Variants in PIEZO2 observed in about 807,000 individuals in gnomAD.
PIEZO2 encodes piezo type mechanosensitive ion channel component 2.
PIEZO2 carries 172 observed loss-of-function variants against 337.3 expected under a neutral mutation model. The ratio of observed to expected loss-of-function variants is 0.51; its 90% CI spans 0.45 to 0.58. The LOEUF is 0.58. Among genes scored for constraint, PIEZO2 ranks in the 20% least tolerant of loss-of-function variants. The pLI is 0.00. For synonymous variants in PIEZO2, 1,251 were observed against 1,228.5 expected, an observed-to-expected ratio of 1.02 and a Z score of -0.38; for missense variants, 3,028 against 3,391.3, an observed-to-expected ratio of 0.89 and a Z score of 2.66.
chr18:10,991,915 A>C (rs891149197), intron 2 of PIEZO2, among the ~76,000 whole-genome samples: 6 of 152,090 alleles, frequency 3.9e-5, no homozygotes, highest in Non-Finnish European at 5.9e-5. Context: ...TTTTAATGAT[A>C]GCCATTCTAA....
At chr18:11,006,388 CAT>C (rs1487341901) in intron 2 of PIEZO2, among the ~76,000 whole-genome samples, 1 of 152,112 alleles carries the variant, frequency 6.6e-6, no homozygotes, top group Non-Finnish European at 1.5e-5. Flanking sequence ...GCTCATAAGT[CAT>C]ATGTTAATCA....
At position 10,724,792 on chromosome 18, in the gene PIEZO2, C is replaced by T. The variant is rs1318612552; in HGVS notation, c.5030-6533G>A. 4 of 1,585,112 alleles carry T rather than the reference C, an allele frequency of 2.5e-6. No homozygotes were observed. The highest frequency in any genetic ancestry group is 2.7e-5 in the African/African-American group (2 of 74,780). On this transcript the variant is annotated intron_variant, in intron 36 of 55. Transcript: ENST00000674853. This position sits in a 1 kb window ranked among gnomAD's most constrained non-coding sequence, Gnocchi z 5.8. The stretch of plus-strand genomic sequence containing the variant: ...TCTGGCAGTCCCCCCAGCACTGCAG[C>T]CCCAGCCTGAGCAGCAGTCGTTCTC...
chr18:10,698,541 C>T lies in PIEZO2; in HGVS notation c.6694+384G>A, dbSNP rs541543502. 4.6e-5 allele frequency among the ~76,000 whole-genome samples: 7 copies of T among 152,332 alleles called. No individual in the cohort carries two copies. The South Asian group carries it at 1.5e-3, about 32-fold the overall frequency. On this transcript the variant is annotated intron_variant, in intron 44 of 55. Coordinates refer to ENST00000674853, the MANE Select transcript of PIEZO2 (RefSeq NM_001378183.1). ...TAACCATAGTTTGGCTAAAAGTTCT[C>T]ATCAATTACATCTAAATATGTTTAA...
chr18:10,674,452 G>A (rs774797961), intron 54 of PIEZO2, among the ~76,000 whole-genome samples: 2 of 152,220 alleles, frequency 1.3e-5, no homozygotes, highest in Non-Finnish European at 2.9e-5. Context: ...TGTGGAGCCC[G>A]GCCTTTTGCC....
chr18:11,123,575 G>A (rs1275405344), intron 1 of PIEZO2, among the ~76,000 whole-genome samples: 1 of 152,146 alleles, frequency 6.6e-6, no homozygotes, highest in Non-Finnish European at 1.5e-5. Context: ...TTGGGAGGCC[G>A]AGGCGGGCGG....
In PIEZO2 at chr18:10,670,963, A is replaced by G. The variant is rs890295736; in HGVS notation, c.*564T>C. Reference sequence around the variant, plus strand: ...TCACTAATACTATGTTTTTGCTTAGAATGAGGCTGATCCTTCCACTGGCGT... The same window carrying G: ...TCACTAATACTATGTTTTTGCTTAGGATGAGGCTGATCCTTCCACTGGCGT... On this transcript the variant is annotated 3_prime_UTR_variant, in exon 56 of 56. Transcript: ENST00000674853. The G allele has an allele frequency of 6.6e-6, 1 of 152,484 alleles. No homozygotes were observed. The highest frequency in any genetic ancestry group is 1.5e-5 in the Non-Finnish European group (1 of 68,090). 9.4% of individuals were successfully genotyped at this position (152,484 alleles called of 1,614,324 possible).
intron 4 of PIEZO2, among the ~76,000 whole-genome samples, chr18:10,885,093 T>C (rs1285759142): frequency 6.6e-6 from 1 of 151,936 alleles, no homozygotes; most frequent in African/African-American, 2.4e-5. Flanking sequence ...GAAAAACAGA[T>C]GAATGCAACA....
chr18:10,903,813 G>T lies in PIEZO2; in HGVS notation c.329+7373C>A, dbSNP rs184427433. Among the ~76,000 whole-genome samples, 455 of 152,252 alleles carry T rather than the reference G, an allele frequency of 3.0e-3. 2 individuals carry two copies. Among genetic ancestry groups the T allele is most frequent in the South Asian group, 0.017 (82 of 4,824 alleles). ...ACAGTTCAGATGGATGAATGCCAAT[G>T]AAGCCATTCTTCAAAACTCTGCCCA... On this transcript the variant is annotated intron_variant, in intron 4 of 55. Coordinates refer to ENST00000674853, the MANE Select transcript of PIEZO2 (RefSeq NM_001378183.1). The surrounding 1 kb of genome is among the most constrained non-coding windows in gnomAD (Gnocchi z 4.1).
At position 10,872,444 on chromosome 18, in the gene PIEZO2, C is replaced by G. The variant is rs1362835436; in HGVS notation, c.330-1029G>C. The stretch of plus-strand genomic sequence containing the variant: ...TGGTAATGAATATGGGAATGAGAGG[C>G]AGTATACTGAGTTGCCAGCATAGTT... On this transcript the variant is annotated intron_variant, in intron 4 of 55. Coordinates refer to ENST00000674853, the MANE Select transcript of PIEZO2 (RefSeq NM_001378183.1). The surrounding 1 kb of genome is among the most constrained non-coding windows in gnomAD (Gnocchi z 4.3). Among the ~76,000 whole-genome samples the G allele has an allele frequency of 6.6e-6, 1 of 152,154 alleles. No individual in the cohort carries two copies. The highest frequency in any genetic ancestry group is 1.5e-5 in the Non-Finnish European group (1 of 68,034).
chr18:11,108,549 G>C (rs565440702), intron 1 of PIEZO2, among the ~76,000 whole-genome samples: 2 of 132,778 alleles, frequency 1.5e-5, no homozygotes, highest in Non-Finnish European at 3.1e-5. Context: ...GGGAGGCGGA[G>C]TTTGCAGTGA....
chr18:10,979,738 G>A lies in PIEZO2; in HGVS notation c.161-78C>T. On this transcript the variant is annotated intron_variant, in intron 2 of 55. Transcript: ENST00000674853. The surrounding 1 kb of genome is among the most constrained non-coding windows in gnomAD (Gnocchi z 4.0). ...GGTGCTGTCTCTTGTACATATTTCT[G>A]TATAACCTATTAGATAGACCGACTC... The A allele has an allele frequency of 7.5e-7, 1 of 1,332,624 alleles. No homozygotes were observed. The highest frequency in any genetic ancestry group is 9.9e-7 in the Non-Finnish European group (1 of 1,013,580). 82.5% of individuals were successfully genotyped at this position (1,332,624 alleles called of 1,614,324 possible). A position where few individuals can be genotyped will look rare whatever the true frequency, so the allele number is the denominator to read the frequency against.
chr18:11,005,618 A>G (rs867213025), intron 2 of PIEZO2, among the ~76,000 whole-genome samples: 5 of 152,272 alleles, frequency 3.3e-5, no homozygotes, highest in Middle Eastern at 6.8e-3. Context: ...ATCTTCCTCA[A>G]GCTCCTTCAC....
At chr18:11,107,859 T>C (rs1447767774) in intron 1 of PIEZO2, among the ~76,000 whole-genome samples, 4 of 152,222 alleles carry the variant, frequency 2.6e-5, no homozygotes, top group Non-Finnish European at 5.9e-5. Flanking sequence ...TGCAAAATGA[T>C]GGAAATCCAG....
chr18:10,915,851 A>C (rs1217101506), intron 3 of PIEZO2, among the ~76,000 whole-genome samples: 1 of 152,142 alleles, frequency 6.6e-6, no homozygotes, highest in Non-Finnish European at 1.5e-5. Context: ...AGTGACTATT[A>C]CAGTTCTTAA....
chr18:10,842,946 T>A (rs974861128), intron 7 of PIEZO2, among the ~76,000 whole-genome samples: 2 of 152,166 alleles, frequency 1.3e-5, no homozygotes, highest in African/African-American at 4.8e-5. Flanking sequence ...GTATCTTGCT[T>A]CTCATTTTAA....
At position 10,746,510 on chromosome 18, in the gene PIEZO2, A is replaced by G. The variant is rs1425343541; in HGVS notation, c.4424+1961T>C. 6.6e-6 allele frequency among the ~76,000 whole-genome samples: 1 copy of G among 152,148 alleles called. No homozygotes were observed. Among genetic ancestry groups the G allele is most frequent in the African/African-American group, 2.4e-5 (1 of 41,434 alleles). Reference sequence around the variant, plus strand: ...GGTTCACGCCCCTGCAGCTGGTTATATTCCCTTGATGTGACCTCATGGCTC... The same window carrying G: ...GGTTCACGCCCCTGCAGCTGGTTATGTTCCCTTGATGTGACCTCATGGCTC... On this transcript the variant is annotated intron_variant, in intron 30 of 55. Transcript: ENST00000674853. The surrounding 1 kb of genome is among the most constrained non-coding windows in gnomAD (Gnocchi z 4.2).
In PIEZO2 at chr18:11,143,671, TCA is replaced by T. The variant is rs1457859834; in HGVS notation, c.64+4852_64+4853del. ...CTCTCTCTCTCTCTCTCTCTCTCTC[TCA>T]CTCTCTCTCTCTCACATAATTTGGC... On this transcript the variant is annotated intron_variant, in intron 1 of 55. Coordinates refer to ENST00000674853, the MANE Select transcript of PIEZO2 (RefSeq NM_001378183.1). This position sits in a 1 kb window ranked among gnomAD's most constrained non-coding sequence, Gnocchi z 4.9. Among the ~76,000 whole-genome samples, 54 of 147,596 alleles carry T rather than the reference TCA, an allele frequency of 3.7e-4. No homozygotes were observed. Among genetic ancestry groups the T allele is most frequent in the African/African-American group, 1.0e-3 (40 of 39,636 alleles).
At chr18:10,901,434 A>G (rs757158706) in intron 4 of PIEZO2, among the ~76,000 whole-genome samples, 10,483 of 132,060 alleles carry the variant, frequency 0.079, 343 homozygotes, top group African/African-American at 0.11. Context: ...ACACACGCAC[A>G]CACACACACA....
At position 11,060,551 on chromosome 18, in the gene PIEZO2, G is replaced by A. The variant is rs971415380; in HGVS notation, c.160+5576C>T. Reference sequence around the variant, plus strand: ...GAAAAGAGAGAAGAATCAAATAGACGCAATAAAAAATGACAAAGGGGATAT... The same window carrying A: ...GAAAAGAGAGAAGAATCAAATAGACACAATAAAAAATGACAAAGGGGATAT... On this transcript the variant is annotated intron_variant, in intron 2 of 55. Coordinates refer to ENST00000674853, the MANE Select transcript of PIEZO2 (RefSeq NM_001378183.1). 5.3e-5 allele frequency among the ~76,000 whole-genome samples: 8 copies of A among 152,040 alleles called. No homozygotes were observed. In the East Asian group the frequency reaches 5.8e-4, roughly 11 times the overall value.
Sources: gnomAD v4.1 joint callset for allele counts (sites outside exome capture counted in the v4.1 genomes callset) on GRCh38, gnomAD v4.1.1 for gene constraint, Gnocchi (gnomAD v3.1) non-coding constraint, MANE v1.5 for transcripts, NCBI Gene and HGNC (gene_info 2026-07-23, HGNC 2026-07-21) for gene names.